Variants in SLC30A6 observed in about 807,000 individuals in gnomAD.
The protein encoded by SLC30A6 is zinc transporter 6.
In SLC30A6, 55 loss-of-function variants were observed where a neutral mutation model predicts 63.0. The ratio of observed to expected loss-of-function variants is 0.87; its 90% CI spans 0.70 to 1.09. The LOEUF is 1.09. Ranked by LOEUF, SLC30A6 falls within the 50% of genes least tolerant of loss-of-function variation. The pLI, the probability that SLC30A6 is intolerant of heterozygous loss-of-function variation, is 0.00. For synonymous variants in SLC30A6, 224 were observed against 186.1 expected (o/e 1.20, Z -1.66); for missense variants, 587 against 549.2 (o/e 1.07, Z -0.69).
chr2:32,175,742 G>T (rs537897738), intron 4 of SLC30A6, among the ~76,000 whole-genome samples: 1 of 152,140 alleles, frequency 6.6e-6, no homozygotes, highest in South Asian at 2.1e-4. Flanking sequence ...TTGGGAGGCC[G>T]AGGCGGGTGG....
intron 11 of SLC30A6, among the ~76,000 whole-genome samples, chr2:32,205,595 A>G (rs140373886): frequency 1.4e-3 from 213 of 150,750 alleles, no homozygotes; most frequent in Non-Finnish European, 2.5e-3. Flanking sequence ...ATCTTCCTAT[A>G]TTTATATTGT....
intron 5 of SLC30A6, chr2:32,187,120 A>T (rs1682903586): frequency 2.1e-6 from 1 of 469,342 alleles, no homozygotes. Context: ...GCACTAGACC[A>T]CTGAGGACAT....
chr2:32,203,450 A>T (rs1430467358), intron 10 of SLC30A6: 1 of 1,547,146 alleles, frequency 6.5e-7, no homozygotes, highest in African/African-American at 1.4e-5. Context: ...ATCAGCTCAG[A>T]TACTGACAGA....
intron 8 of SLC30A6, among the ~76,000 whole-genome samples, chr2:32,195,715 A>T (rs916043837): frequency 1.4e-4 from 21 of 149,972 alleles, no homozygotes; most frequent in South Asian, 8.3e-4. Flanking sequence ...TTATTTATTT[A>T]TTTTTTAATA....
intron 10 of SLC30A6, chr2:32,203,708 C>A: frequency 6.5e-7 from 1 of 1,534,820 alleles, no homozygotes; most frequent in East Asian, 2.2e-5. Context: ...TTTGATGTTC[C>A]TACAACTAAG....
In SLC30A6 at chr2:32,195,210, G is replaced by A. The variant is rs550229501; in HGVS notation, c.496+1227G>A. Among the ~76,000 whole-genome samples, 3 of 149,090 alleles carry A rather than the reference G, an allele frequency of 2.0e-5. No individual in the cohort carries two copies. The South Asian group carries it at 6.5e-4, about 32-fold the overall frequency. On this transcript the variant is annotated intron_variant, in intron 8 of 13. Coordinates refer to ENST00000282587, the MANE Select transcript of SLC30A6 (RefSeq NM_017964.5). ...TGCCTCCTTGGTTCAAGGGGTTACA[G>A]GAATGTGCCACCATGCCTGGCTGAT... is the stretch of plus-strand genomic sequence containing the variant.
At chr2:32,195,419 C>T (rs750331944) in intron 8 of SLC30A6, among the ~76,000 whole-genome samples, 2 of 151,956 alleles carry the variant, frequency 1.3e-5, no homozygotes, top group African/African-American at 2.4e-5. Context: ...TCATTAAATA[C>T]TCTTTGAATG....
Position 32,172,550 on chromosome 2 carries a change from T to C in SLC30A6, c.90+1177T>C, listed in dbSNP as rs536331778. Among the ~76,000 whole-genome samples the C allele has an allele frequency of 2.6e-5, 4 of 152,226 alleles. No individual in the cohort carries two copies. In the East Asian group the frequency reaches 7.7e-4, roughly 29 times the overall value. On this transcript the variant is annotated intron_variant, in intron 2 of 13. Coordinates refer to ENST00000282587, the MANE Select transcript of SLC30A6 (RefSeq NM_017964.5). ...CTTTTATATGTTCTCAACTCTTTTG[T>C]GCTCCCCTTCCCTCTGTCTTAATTC...
Position 32,202,071 on chromosome 2 carries a change from A to G in SLC30A6, c.666-2519A>G, listed in dbSNP as rs1350215291. 2.5e-5 allele frequency: 21 copies of G among 837,838 alleles called. 1 individual carries two copies. In the East Asian group the frequency reaches 5.5e-4, roughly 22 times the overall value. 51.9% of individuals were successfully genotyped at this position (837,838 alleles called of 1,614,324 possible). A position where few individuals can be genotyped will look rare whatever the true frequency, so the allele number is the denominator to read the frequency against. On this transcript the variant is annotated intron_variant, in intron 10 of 13. Transcript: ENST00000282587. ...CCTTAGATAGTTCTACTCATGAATCAAGTGATAAGAAGCTAGAGGAGACCT... is the reference window on the plus strand; with the variant it reads ...CCTTAGATAGTTCTACTCATGAATCGAGTGATAAGAAGCTAGAGGAGACCT...
chr2:32,217,253 A>G (rs978475560), intron 13 of SLC30A6, among the ~76,000 whole-genome samples: 4 of 152,122 alleles, frequency 2.6e-5, no homozygotes, highest in Non-Finnish European at 5.9e-5. Flanking sequence ...TTATATGGTG[A>G]AAGTGAAGGT....
intron 5 of SLC30A6, among the ~76,000 whole-genome samples, chr2:32,187,846 A>T (rs1462075440): frequency 6.6e-6 from 1 of 152,178 alleles, no homozygotes; most frequent in Admixed American, 6.5e-5. Flanking sequence ...CAGATTAATT[A>T]TGTCAAGGTA....
At chr2:32,200,896 G>T (rs1217856743) in intron 10 of SLC30A6, among the ~76,000 whole-genome samples, 1 of 152,120 alleles carries the variant, frequency 6.6e-6, no homozygotes, top group Non-Finnish European at 1.5e-5. Context: ...AATTGAAGTT[G>T]TCAGCACAGA....
intron 1 of SLC30A6, among the ~76,000 whole-genome samples, chr2:32,169,861 A>C (rs1681037756): frequency 6.6e-6 from 1 of 152,240 alleles, no homozygotes; most frequent in African/African-American, 2.4e-5. Flanking sequence ...CACATTAACA[A>C]TACAAAGTTG....
rs1421117866 is a variant in SLC30A6 at position 32,187,012 on chromosome 2, A to AG, written c.284+2674_284+2675insG. 2.0e-3 allele frequency: 726 copies of AG among 354,740 alleles called. 4 individuals carry two copies. Among genetic ancestry groups the AG allele is most frequent in the Non-Finnish European group, 2.8e-3 (500 of 180,554 alleles). The allele number at this position is 354,740 out of a possible 1,614,324, so 22.0% of individuals were successfully genotyped here. On this transcript the variant is annotated intron_variant, in intron 5 of 13. Coordinates refer to ENST00000282587, the MANE Select transcript of SLC30A6 (RefSeq NM_017964.5). ...CGCTGTCTCCAAAAAAAAAAAAAAA[A>AG]AAAGAAAGAAAAAGAAAAATGAGTT...
intron 8 of SLC30A6, 31 bp downstream of exon 8, chr2:32,194,014 AT>A (rs1477699346): frequency 8.5e-6 from 13 of 1,529,302 alleles, no homozygotes; most frequent in Non-Finnish European, 1.2e-5. Flanking sequence ...TAATTTAAAA[AT>A]CCAACTAATC....
chr2:32,195,384 A>G (rs1683696830), intron 8 of SLC30A6, among the ~76,000 whole-genome samples: 1 of 152,028 alleles, frequency 6.6e-6, no homozygotes, highest in Non-Finnish European at 1.5e-5. Flanking sequence ...CTTTTTGATT[A>G]GCATTATGTC....
intron 4 of SLC30A6, among the ~76,000 whole-genome samples, chr2:32,183,544 C>T (rs754506164): frequency 3.3e-5 from 5 of 151,620 alleles, no homozygotes; most frequent in Non-Finnish European, 5.9e-5. Context: ...AAAAATTAGC[C>T]GGGCATGGTG....
At chr2:32,215,849 TG>T (rs1469328138) in intron 13 of SLC30A6, among the ~76,000 whole-genome samples, 1 of 144,048 alleles carries the variant, frequency 6.9e-6, no homozygotes, top group Non-Finnish European at 1.5e-5. Context: ...GGACTGCATA[TG>T]TGTGCCTGGC....
rs547678510 is a variant in SLC30A6, at chr2:32,166,009, T to C, written c.3+106T>C. ...CCTCAGCCACCCAGAGGAGGGGTCA[T>C]TGGAGTTGAAGTCGGGCCCCTTGGC... is the stretch of plus-strand genomic sequence containing the variant. On this transcript the variant is annotated intron_variant, in intron 1 of 13. Transcript: ENST00000282587. 2.6e-5 allele frequency: 40 copies of C among 1,524,332 alleles called. No homozygotes were observed. In the African/African-American group the frequency reaches 3.7e-4, roughly 14 times the overall value. 94.4% of individuals were successfully genotyped at this position (1,524,332 alleles called of 1,614,324 possible).
Sources: allele counts gnomAD v4.1 joint callset (sites outside exome capture counted in the v4.1 genomes callset), GRCh38; gene constraint gnomAD v4.1.1; transcripts MANE v1.5; gene names NCBI Gene and HGNC (gene_info 2026-07-23, HGNC 2026-07-21).